The following MYO10 variants were observed in gnomAD, a reference collection of about 807,000 sequenced individuals.
MYO10 encodes myosin X.
A neutral mutation model predicts 257.3 loss-of-function variants in MYO10; 133 were observed. That is an observed-to-expected ratio of 0.52 (90% CI 0.45 to 0.60). The LOEUF is 0.60. Among genes scored for constraint, MYO10 ranks in the 20% least tolerant of loss-of-function variants. The probability of loss-of-function intolerance (pLI) is 0.00; values close to 1 mark genes in which losing one functional copy is unlikely to be tolerated. For synonymous variants in MYO10, 1,104 were observed against 1,028.6 expected (o/e 1.07, Z -1.40); for missense variants, 2,399 against 2,635.7 (o/e 0.91, Z 1.97).
At chr5:16,864,908 G>C (rs754734826) in intron 2 of MYO10, among the ~76,000 whole-genome samples, 4 of 152,166 alleles carry the variant, frequency 2.6e-5, no homozygotes, top group Non-Finnish European at 4.4e-5. Context: ...CCTTGGTCTT[G>C]AAAGCAAGAA....
intron 1 of MYO10, among the ~76,000 whole-genome samples, chr5:16,929,607 G>C (rs1435490365): frequency 6.6e-6 from 1 of 152,108 alleles, no homozygotes; most frequent in African/African-American, 2.4e-5. Context: ...TATAATTATA[G>C]AGCCTTTCCC....
chr5:16,673,869 C>T lies in MYO10; in HGVS notation c.4985G>A (p.Gly1662Glu), dbSNP rs1736593900. The stretch of plus-strand genomic sequence containing the variant: ...GAGAGCGTATTTTTCCATCTCGCTT[C>T]CTGGAAACTGTTCCCGTATCCTAGG... Reference protein sequence around the residue: ...HLKRIREQFPGSEMEKYALFT... With the variant: ...HLKRIREQFPESEMEKYALFT... Residue 1662 changes from glycine to glutamate, a missense_variant, in exon 36 of 41, where the codon GGA becomes GAA. Coordinates refer to ENST00000513610, the MANE Select transcript of MYO10 (RefSeq NM_012334.3). 6.2e-7 allele frequency: 1 copy of T among 1,613,934 alleles called. No individual in the cohort carries two copies. Among genetic ancestry groups the T allele is most frequent in the South Asian group, 1.1e-5 (1 of 91,080 alleles).
intron 2 of MYO10, among the ~76,000 whole-genome samples, chr5:16,826,079 C>T (rs1356567450): frequency 2.0e-5 from 3 of 151,764 alleles, no homozygotes; most frequent in Admixed American, 6.6e-5. Flanking sequence ...ACCCGGGAGG[C>T]GGAGGTTACA....
At chr5:16,799,457 C>T (rs1231033740) in intron 3 of MYO10, among the ~76,000 whole-genome samples, 1 of 152,050 alleles carries the variant, frequency 6.6e-6, no homozygotes, top group Admixed American at 6.6e-5. Context: ...TCCACAGGTC[C>T]TCTTCCACCA....
intron 2 of MYO10, among the ~76,000 whole-genome samples, chr5:16,844,937 T>TACACACACACACACACGC (rs1472806331): frequency 6.9e-6 from 1 of 144,988 alleles, no homozygotes; most frequent in Non-Finnish European, 1.5e-5. Context: ...TAATTCCAGA[T>TACACACACACACACACGC]ACACACACAC....
At chr5:16,894,778 C>A (rs920309295) in intron 1 of MYO10, among the ~76,000 whole-genome samples, 1 of 152,074 alleles carries the variant, frequency 6.6e-6, no homozygotes, top group Non-Finnish European at 1.5e-5. Context: ...AGGACTGGAG[C>A]CTGCGGTGTT....
intron 4 of MYO10, among the ~76,000 whole-genome samples, chr5:16,793,447 G>T (rs539035396): frequency 1.3e-5 from 2 of 152,064 alleles, no homozygotes; most frequent in African/African-American, 4.8e-5. Flanking sequence ...TCTCAGCCTC[G>T]CAAGTAGCTG....
At chr5:16,895,397 C>G (rs1356539017) in intron 1 of MYO10, among the ~76,000 whole-genome samples, 1 of 152,138 alleles carries the variant, frequency 6.6e-6, no homozygotes. Flanking sequence ...GGTGAGGCAG[C>G]TCACCGGAGG....
intron 19 of MYO10, among the ~76,000 whole-genome samples, chr5:16,718,281 C>A (rs910269854): frequency 1.3e-5 from 2 of 152,214 alleles, no homozygotes; most frequent in African/African-American, 4.8e-5. Flanking sequence ...TGACGAGCAC[C>A]GCCCCCTGCT....
chr5:16,733,799 C>T lies in MYO10; in HGVS notation c.1929+21029G>A, dbSNP rs759312188. 5.9e-5 allele frequency among the ~76,000 whole-genome samples: 9 copies of T among 152,308 alleles called. No homozygotes were observed. In the South Asian group the frequency reaches 1.0e-3, roughly 18 times the overall value. ...TCAAAGGCCAGGTTATTCCCATCCC[C>T]GGGCCTCTTCAGGACTCTCCAGGCT... On this transcript the variant is annotated intron_variant, in intron 19 of 40. Transcript: ENST00000513610.
At chr5:16,856,183 A>G (rs78590782) in intron 2 of MYO10, among the ~76,000 whole-genome samples, 1 of 152,360 alleles carries the variant, frequency 6.6e-6, no homozygotes, top group African/African-American at 2.4e-5. Context: ...CGTATGACAC[A>G]TCACAGCTTG....
At chr5:16,934,696 C>G (rs1200016091) in intron 1 of MYO10, among the ~76,000 whole-genome samples, 1 of 152,160 alleles carries the variant, frequency 6.6e-6, no homozygotes, top group Non-Finnish European at 1.5e-5. Context: ...CTAGATATGA[C>G]TACTAAACAA....
At chr5:16,685,584 A>C (rs1737213655) in intron 29 of MYO10, among the ~76,000 whole-genome samples, 154 bp downstream of exon 29, 1 of 152,130 alleles carries the variant, frequency 6.6e-6, no homozygotes, top group Non-Finnish European at 1.5e-5. Flanking sequence ...TTCTAAACTC[A>C]AATGGTCCTG....
At position 16,771,871 on chromosome 5, in the gene MYO10, G is replaced by A. The variant is rs950017386; in HGVS notation, c.931-2668C>T. On this transcript the variant is annotated intron_variant, in intron 9 of 40. Transcript: ENST00000513610. The stretch of plus-strand genomic sequence containing the variant: ...GCTGGAATTACAGGCATGAGCCACC[G>A]TGCCCAGCCAGGAACTTATCATTAT... Among the ~76,000 whole-genome samples the A allele has an allele frequency of 9.3e-5, 14 of 150,118 alleles. No individual in the cohort carries two copies. In the East Asian group the frequency reaches 1.2e-3, roughly 12 times the overall value.
At chr5:16,753,564 G>A (rs761640568) in intron 19 of MYO10, among the ~76,000 whole-genome samples, 11 of 147,914 alleles carry the variant, frequency 7.4e-5, no homozygotes, top group Non-Finnish European at 1.5e-4. Context: ...TCCACCTCCT[G>A]GGTTCAAGTG....
intron 9 of MYO10, 126 bp downstream of exon 9, chr5:16,779,419 C>T: frequency 1.7e-6 from 1 of 579,722 alleles, no homozygotes; most frequent in Non-Finnish European, 3.0e-6. Context: ...CTGTTCTCAC[C>T]CACTGGTCCA....
intron 3 of MYO10, among the ~76,000 whole-genome samples, chr5:16,805,034 G>A (rs1377129440): frequency 6.6e-6 from 1 of 152,232 alleles, no homozygotes; most frequent in African/African-American, 2.4e-5. Context: ...CTTTGTCACT[G>A]AAGTATAGGC....
chr5:16,820,216 G>C (rs1231630927), intron 2 of MYO10, among the ~76,000 whole-genome samples: 2 of 152,240 alleles, frequency 1.3e-5, no homozygotes, highest in East Asian at 1.9e-4. Flanking sequence ...ACTTAGGCCA[G>C]AGTCAAAGCA....
chr5:16,717,038 T>C (rs1738904069), intron 19 of MYO10, among the ~76,000 whole-genome samples: 1 of 152,170 alleles, frequency 6.6e-6, no homozygotes, highest in Admixed American at 6.6e-5. Context: ...GGTTTTCCCA[T>C]GTTGGCCAGA....
Sources: gnomAD v4.1 joint callset for allele counts (sites outside exome capture counted in the v4.1 genomes callset) on GRCh38, gnomAD v4.1.1 for gene constraint, MANE v1.5 for transcripts, NCBI Gene and HGNC (gene_info 2026-07-23, HGNC 2026-07-21) for gene names.